SNAP91: variants seen among roughly 807,000 people sequenced by gnomAD.
The protein encoded by SNAP91 is synaptosome associated protein 91, also known as clathrin coat assembly protein AP180.
Under a neutral mutation model 100.3 loss-of-function variants are expected in SNAP91, and 27 were observed. That is an observed-to-expected ratio of 0.27 (90% CI 0.20 to 0.37). The LOEUF is 0.37. Ranked by LOEUF, SNAP91 falls within the 10% of genes least tolerant of loss-of-function variation. SNAP91 has a pLI of 1.00. For synonymous variants in SNAP91, 404 were observed against 398.6 expected (o/e 1.01, Z -0.16); for missense variants, 986 against 1,123.7 (o/e 0.88, Z 1.75).
chr6:83,673,338 C>CA (rs377099147), intron 2 of SNAP91, among the ~76,000 whole-genome samples: 71 of 152,104 alleles, frequency 4.7e-4, no homozygotes, highest in African/African-American at 1.7e-3. Context: ...AGAGAGTCCC[C>CA]AGAGAGCATA....
At chr6:83,707,309 A>C (rs2099393687) in intron 2 of SNAP91, among the ~76,000 whole-genome samples, 2 of 152,158 alleles carry the variant, frequency 1.3e-5, no homozygotes, top group African/African-American at 2.4e-5. Flanking sequence ...CCTCAGGAGC[A>C]ACACTTAAAA....
intron 26 of SNAP91, among the ~76,000 whole-genome samples, chr6:83,561,853 C>G (rs1476369243): frequency 6.6e-6 from 1 of 152,080 alleles, no homozygotes; most frequent in Non-Finnish European, 1.5e-5. Context: ...CCCATCTCCA[C>G]AAAATATTTT....
rs188554580 is a variant in SNAP91, at chr6:83,591,009, T to C, written c.2014+202A>G. Among the ~76,000 whole-genome samples, 3 of 152,260 alleles carry C rather than the reference T, an allele frequency of 2.0e-5. No individual in the cohort carries two copies. The East Asian group carries it at 5.8e-4, about 29-fold the overall frequency. On this transcript the variant is annotated intron_variant, in intron 22 of 29. Transcript: ENST00000369694. Reference sequence around the variant, plus strand: ...TGGGTGTACTATGAGATGCTGAAGTTTGGGGTATGATTGATCCTGTCACCC... The same window carrying C: ...TGGGTGTACTATGAGATGCTGAAGTCTGGGGTATGATTGATCCTGTCACCC...
intron 26 of SNAP91, among the ~76,000 whole-genome samples, chr6:83,574,776 A>T (rs956639895): frequency 2.0e-5 from 3 of 152,144 alleles, no homozygotes; most frequent in African/African-American, 4.8e-5. Context: ...TAGTTTTTTC[A>T]TCTTGCTTAT....
intron 2 of SNAP91, 64 bp downstream of exon 2, chr6:83,707,734 G>C: frequency 6.3e-7 from 1 of 1,591,110 alleles, no homozygotes; most frequent in Non-Finnish European, 8.5e-7. Flanking sequence ...AGCGCAGGCC[G>C]CACCACCAGC....
At chr6:83,686,968 T>C (rs894857889) in intron 2 of SNAP91, 5 of 152,190 alleles carry the variant, frequency 3.3e-5, no homozygotes, top group African/African-American at 1.2e-4. Flanking sequence ...TCTTGGATAA[T>C]AATTTTTATA....
intron 2 of SNAP91, among the ~76,000 whole-genome samples, chr6:83,687,166 A>G (rs954077838): frequency 1.3e-5 from 2 of 152,136 alleles, no homozygotes; most frequent in Admixed American, 1.3e-4. Context: ...TTCTTGTAAT[A>G]TAGATAGAGT....
chr6:83,692,643 T>C (rs1487210923), intron 2 of SNAP91, among the ~76,000 whole-genome samples: 1 of 152,150 alleles, frequency 6.6e-6, no homozygotes, highest in Non-Finnish European at 1.5e-5. Flanking sequence ...GAGCCTGGAA[T>C]TACACTAAGC....
rs527512371 is a variant in SNAP91, at chr6:83,597,795, C to A, written c.1325-3314G>T. 1.9e-3 allele frequency among the ~76,000 whole-genome samples: 290 copies of A among 152,294 alleles called. 1 individual carries two copies. The highest frequency in any genetic ancestry group is 1.8e-3 in the Non-Finnish European group (120 of 68,030). ...AAGGTTCCAATTGTTCTCAACAGCCCAAATGTCACATTCTGGTTCCTCTTT... is the reference window on the plus strand; with the variant it reads ...AAGGTTCCAATTGTTCTCAACAGCCAAAATGTCACATTCTGGTTCCTCTTT... On this transcript the variant is annotated intron_variant, in intron 16 of 29. Coordinates refer to ENST00000369694, the MANE Select transcript of SNAP91 (RefSeq NM_001242792.2).
At chr6:83,694,954 G>T (rs2099178220) in intron 2 of SNAP91, among the ~76,000 whole-genome samples, 1 of 151,992 alleles carries the variant, frequency 6.6e-6, no homozygotes, top group South Asian at 2.1e-4. Context: ...CCAAAATTAT[G>T]GGCGTACACA....
chr6:83,575,615 T>C (rs1489324760), intron 25 of SNAP91: 7 of 208,592 alleles, frequency 3.4e-5, no homozygotes, highest in East Asian at 1.7e-4. Flanking sequence ...AACGACAAAA[T>C]ATACATCTAA....
chr6:83,641,389 T>C (rs1268528737), intron 7 of SNAP91, among the ~76,000 whole-genome samples, 187 bp from the exon 8 acceptor site: 1 of 151,740 alleles, frequency 6.6e-6, no homozygotes, highest in Admixed American at 6.6e-5. Flanking sequence ...AAGTGTTATG[T>C]TCCAAGATAA....
intron 2 of SNAP91, among the ~76,000 whole-genome samples, chr6:83,676,414 T>C (rs1446773679): frequency 6.6e-6 from 1 of 152,084 alleles, no homozygotes; most frequent in Non-Finnish European, 1.5e-5. Flanking sequence ...CCCAAGGAAA[T>C]GAAATTTAAA....
intron 11 of SNAP91, among the ~76,000 whole-genome samples, chr6:83,613,891 T>C (rs73751562): frequency 0.029 from 4,427 of 152,262 alleles, 196 homozygotes; most frequent in African/African-American, 0.099. Flanking sequence ...AAAAATCTAG[T>C]AGATAATGAA....
At chr6:83,574,860 C>G (rs988389348) in intron 26 of SNAP91, 150 bp downstream of exon 26, 2 of 331,230 alleles carry the variant, frequency 6.0e-6, no homozygotes, top group Non-Finnish European at 1.1e-5. Context: ...GGAGGGCAGC[C>G]CCCTGGGCTG....
chr6:83,609,014 A>G (rs71568885), intron 12 of SNAP91, among the ~76,000 whole-genome samples: 27,243 of 152,192 alleles, frequency 0.18, 3,133 homozygotes, highest in South Asian at 0.28. Context: ...CTCTAAGAAA[A>G]GGTTTTTAAA....
rs189004291 is a variant in SNAP91 at position 83,575,982 on chromosome 6, T to C, written c.2330+41A>G. 8.5e-4 allele frequency: 988 copies of C among 1,162,270 alleles called. 5 individuals carry two copies. In the Middle Eastern group the frequency reaches 0.017, roughly 20 times the overall value. The allele number at this position is 1,162,270 out of a possible 1,614,324, so 72.0% of individuals were successfully genotyped here. The stretch of plus-strand genomic sequence containing the variant: ...GTTGATAGTCTCAAATGAATACAAA[T>C]ATACCATCAAAAGGAAATCACATAA... On this transcript the variant is annotated intron_variant, in intron 25 of 29. Transcript: ENST00000369694.
chr6:83,578,368 A>G (rs1822781080), intron 24 of SNAP91, among the ~76,000 whole-genome samples: 1 of 152,110 alleles, frequency 6.6e-6, no homozygotes, highest in South Asian at 2.1e-4. Context: ...CCATATCCTC[A>G]TCAATACTGG....
chr6:83,627,995 C>G (rs919547942), intron 8 of SNAP91, among the ~76,000 whole-genome samples: 4 of 151,380 alleles, frequency 2.6e-5, no homozygotes, highest in Non-Finnish European at 5.9e-5. Context: ...AGTCTTTATC[C>G]CTCACCCTCT....
Sources: allele counts gnomAD v4.1 joint callset (sites outside exome capture counted in the v4.1 genomes callset), GRCh38; gene constraint gnomAD v4.1.1; transcripts MANE v1.5; gene names NCBI Gene and HGNC (gene_info 2026-07-23, HGNC 2026-07-21).